The following VPS13B variants were observed in gnomAD, a reference collection of about 807,000 sequenced individuals.
VPS13B encodes vacuolar protein sorting 13 homolog B.
In VPS13B, 285 loss-of-function variants were observed where a neutral mutation model predicts 426.4. The observed-to-expected ratio is 0.67, with a 90% CI of 0.61 to 0.74. The LOEUF (loss-of-function observed/expected upper bound fraction) is 0.74, where lower values mean the gene tolerates loss of function less well. Ranked by LOEUF, VPS13B falls within the 30% of genes least tolerant of loss-of-function variation. VPS13B has a pLI of 0.00. For synonymous variants in VPS13B, 1,676 were observed against 1,676.4 expected (o/e 1.00, Z 0.01); for missense variants, 4,537 against 4,782.6 (o/e 0.95, Z 1.51).
At position 99,778,927 on chromosome 8, in the gene VPS13B, G is replaced by T. The variant is rs144668374; in HGVS notation, c.7675G>T (p.Val2559Leu). 7.4e-5 allele frequency: 119 copies of T among 1,613,872 alleles called. No homozygotes were observed. Among genetic ancestry groups the T allele is most frequent in the Non-Finnish European group, 9.9e-5 (117 of 1,179,916 alleles). The change falls in exon 42 of 62, where the codon GTG becomes TTG. Residue 2559 changes from valine to leucine, a missense_variant. By Grantham distance (32) the Val-to-Leu change is conservative. This residue lies in a region of VPS13B where 4,311 missense variants were observed against 4,474.3 expected (regional missense o/e 0.96). Transcript: ENST00000357162. ...GCAGATGGCAGTTTCCAGCGATGTA[G>T]TGGAAAAGCTGCTTGACTGCACCGT... ...FGQMAVSSDV[V>L]EKLLDCTVIV...
intron 43 of VPS13B, chr8:99,804,144 G>T: frequency 6.6e-6 from 1 of 152,540 alleles, no homozygotes; most frequent in South Asian, 2.0e-4. Flanking sequence ...GACCTGGGGT[G>T]AGAGGGCCCA....
intron 19 of VPS13B, among the ~76,000 whole-genome samples, chr8:99,370,581 T>C (rs1359230164): frequency 2.0e-5 from 3 of 151,526 alleles, no homozygotes; most frequent in Non-Finnish European, 4.4e-5. Flanking sequence ...AATCTGTAGA[T>C]GTCTACATAT....
chr8:99,668,144 C>T (rs940843340), intron 35 of VPS13B, among the ~76,000 whole-genome samples: 2 of 151,626 alleles, frequency 1.3e-5, no homozygotes, highest in Admixed American at 1.3e-4. Flanking sequence ...TAGTAATTTC[C>T]ACCTATTTTT....
chr8:99,439,416 G>A (rs949358059), intron 22 of VPS13B, among the ~76,000 whole-genome samples: 7 of 152,036 alleles, frequency 4.6e-5, no homozygotes, highest in African/African-American at 9.7e-5. Flanking sequence ...TATGTCTTTT[G>A]TCTCTGTATT....
At chr8:99,462,185 C>T (rs1195654569) in intron 23 of VPS13B, among the ~76,000 whole-genome samples, 1 of 150,836 alleles carries the variant, frequency 6.6e-6, no homozygotes, top group Non-Finnish European at 1.5e-5. Context: ...TCCCTCCCTC[C>T]ATCTCTTCCT....
At chr8:99,761,162 CAG>C (rs558842971) in intron 39 of VPS13B, among the ~76,000 whole-genome samples, 19 of 150,390 alleles carry the variant, frequency 1.3e-4, no homozygotes, top group Admixed American at 2.0e-4. Flanking sequence ...CCTTTGTTAA[CAG>C]AGTAAAATAG....
intron 34 of VPS13B, 40 bp from the exon 35 acceptor site, chr8:99,661,314 G>A: frequency 1.2e-6 from 2 of 1,611,770 alleles, no homozygotes; most frequent in South Asian, 2.2e-5. Context: ...AGATATTTGT[G>A]ATGTAACTGA....
intron 42 of VPS13B, among the ~76,000 whole-genome samples, chr8:99,782,370 ATACAGTC>A (rs1812064942): frequency 6.6e-6 from 1 of 152,112 alleles, no homozygotes; most frequent in African/African-American, 2.4e-5. Flanking sequence ...CTTCTGCAGC[ATACAGTC>A]TAATTATGGA....
At chr8:99,375,166 C>G (rs1813414919) in intron 19 of VPS13B, among the ~76,000 whole-genome samples, 1 of 152,192 alleles carries the variant, frequency 6.6e-6, no homozygotes, top group Non-Finnish European at 1.5e-5. Context: ...CTCAGTGATT[C>G]TAAACTATCA....
chr8:99,096,589 C>G (rs1182573144), intron 4 of VPS13B, among the ~76,000 whole-genome samples, 157 bp downstream of exon 4: 1 of 152,030 alleles, frequency 6.6e-6, no homozygotes, highest in Admixed American at 6.5e-5. Context: ...AGCCATGTCT[C>G]TGCTAAAAAT....
rs149582671 is a variant in VPS13B at position 99,561,463 on chromosome 8, A to G, written c.4949+4810A>G. 1.7e-3 allele frequency among the ~76,000 whole-genome samples: 256 copies of G among 152,332 alleles called. 3 individuals carry two copies. The highest frequency in any genetic ancestry group is 0.015 in the Admixed American group (231 of 15,280). ...TCTATGATTTATAATGGGTCAATTT[A>G]AGATTTTTCAACTTTATGATGATGC... On this transcript the variant is annotated intron_variant, in intron 31 of 61. Coordinates refer to ENST00000357162, the MANE Select transcript of VPS13B (RefSeq NM_152564.5).
rs190930123 is a variant in VPS13B, at chr8:99,393,790, G to A, written c.3082+2086G>A. On this transcript the variant is annotated intron_variant, in intron 21 of 61. Coordinates refer to ENST00000357162, the MANE Select transcript of VPS13B (RefSeq NM_152564.5). ...TAATTCTCTGGGGAACTTGGCAGTG[G>A]TACTCTTCTTGATAATACTCTGTCC... Among the ~76,000 whole-genome samples, 541 of 152,044 alleles carry A rather than the reference G, an allele frequency of 3.6e-3. 3 individuals are homozygous for A. The highest frequency in any genetic ancestry group is 5.4e-3 in the Non-Finnish European group (364 of 67,944).
rs1817671494 is a variant in VPS13B, at chr8:99,875,780, T to G, written c.*114T>G. 1.4e-6 allele frequency: 2 copies of G among 1,394,136 alleles called. No homozygotes were observed. Among genetic ancestry groups the G allele is most frequent in the Non-Finnish European group, 1.0e-6 (1 of 1,003,474 alleles). 86.4% of individuals were successfully genotyped at this position (1,394,136 alleles called of 1,614,324 possible). On this transcript the variant is annotated 3_prime_UTR_variant, in exon 62 of 62. Transcript: ENST00000357162. The stretch of plus-strand genomic sequence containing the variant: ...TCAAATTCTGGGGTTCAAGCAATCC[T>G]CCCACCTCAACCCACAAGTAGCTAC...
intron 24 of VPS13B, among the ~76,000 whole-genome samples, chr8:99,479,860 A>G (rs1819946231): frequency 6.6e-6 from 1 of 152,180 alleles, no homozygotes; most frequent in Non-Finnish European, 1.5e-5. Flanking sequence ...TGCCATGAAC[A>G]TTTGTGTACA....
chr8:99,821,885 T>C (rs771424650), intron 50 of VPS13B, among the ~76,000 whole-genome samples: 4 of 152,202 alleles, frequency 2.6e-5, no homozygotes. Flanking sequence ...TTTATATTTC[T>C]GGAAAGGACA....
intron 24 of VPS13B, among the ~76,000 whole-genome samples, chr8:99,469,066 T>C (rs2133516590): frequency 6.6e-6 from 1 of 152,262 alleles, no homozygotes; most frequent in Admixed American, 6.5e-5. Context: ...ATGCATTTAA[T>C]TGGAATTATG....
chr8:99,871,087 C>G (rs1817384203), intron 60 of VPS13B, 200 bp downstream of exon 60: 1 of 643,670 alleles, frequency 1.6e-6, no homozygotes, highest in Non-Finnish European at 2.7e-6. Flanking sequence ...GGCTGCACAA[C>G]TCCTCTGTTC....
chr8:99,041,570 T>A lies in VPS13B; in HGVS notation c.291+3004T>A, dbSNP rs369083430. ...CTTTCTTTGATCATTGAATTAAGTC[T>A]TGGCTGGGCATGGTGGCTCACGCCT... On this transcript the variant is annotated intron_variant, in intron 3 of 61. Transcript: ENST00000357162. 3.3e-5 allele frequency among the ~76,000 whole-genome samples: 5 copies of A among 152,212 alleles called. No individual in the cohort carries two copies. In the East Asian group the frequency reaches 5.8e-4, roughly 18 times the overall value.
chr8:99,559,507 C>T (rs945645912), intron 31 of VPS13B, among the ~76,000 whole-genome samples: 21 of 152,094 alleles, frequency 1.4e-4, no homozygotes, highest in Non-Finnish European at 2.2e-4. Flanking sequence ...ATGGTATTGC[C>T]TAGGTTTTCT....
Sources: gnomAD v4.1 joint callset for allele counts (sites outside exome capture counted in the v4.1 genomes callset) on GRCh38, gnomAD v4.1.1 for gene constraint, gnomAD v4.1.1 regional missense constraint, MANE v1.5 for transcripts, NCBI Gene and HGNC (gene_info 2026-07-23, HGNC 2026-07-21) for gene names.